The following NT5C1B variants were observed in gnomAD, a reference collection of about 807,000 sequenced individuals.
The protein encoded by NT5C1B is cytosolic 5'-nucleotidase 1B.
A neutral mutation model predicts 57.8 loss-of-function variants in NT5C1B; 44 were observed. The observed-to-expected ratio is 0.76, with a 90% CI of 0.60 to 0.98. NT5C1B has a LOEUF of 0.98. NT5C1B is among the 50% of genes least tolerant of loss of function. The probability of loss-of-function intolerance (pLI) is 0.00; values close to 1 mark genes in which losing one functional copy is unlikely to be tolerated. For synonymous variants in NT5C1B, 284 were observed against 282.6 expected (o/e 1.00, Z -0.05); for missense variants, 742 against 719.5 (o/e 1.03, Z -0.36).
At chr2:18,588,421 G>A (rs944355468) in intron 1 of NT5C1B, among the ~76,000 whole-genome samples, 21 of 152,184 alleles carry the variant, frequency 1.4e-4, no homozygotes, top group African/African-American at 5.1e-4. Flanking sequence ...TATGCTCTGT[G>A]TCTTGCATGC....
chr2:18,584,098 C>T lies in NT5C1B; in HGVS notation c.881G>A (p.Arg294His), dbSNP rs773168634. Residue 294 changes from arginine to histidine, a missense_variant, in exon 5 of 9, where the codon CGC becomes CAC. Transcript: ENST00000304081. The surrounding 1 kb of genome is among the most constrained non-coding windows in gnomAD (Gnocchi z 5.8). ...CAGCTTGCAGAATACCTTGACGAAG[C>T]GGAACGCCGGGCCCGGGGTCAGGAT... 20 of 1,614,168 alleles carry T rather than the reference C, an allele frequency of 1.2e-5. No individual in the cohort carries two copies. The highest frequency in any genetic ancestry group is 5.0e-5 in the Admixed American group (3 of 60,016).
At chr2:18,577,789 GA>G (rs978211829) in intron 6 of NT5C1B, among the ~76,000 whole-genome samples, 11 of 151,134 alleles carry the variant, frequency 7.3e-5, no homozygotes, top group African/African-American at 2.2e-4. Flanking sequence ...ATTGAGATGG[GA>G]AAAAATATAC....
intron 8 of NT5C1B, among the ~76,000 whole-genome samples, chr2:18,564,647 T>C (rs909145192): frequency 6.6e-6 from 1 of 152,222 alleles, no homozygotes; most frequent in African/African-American, 2.4e-5. Flanking sequence ...GAGCCTAGAA[T>C]TGGATTTTGC....
At chr2:18,582,942 A>G (rs752534958) in exon 6 of NT5C1B, 8 of 1,614,092 alleles carry the variant, frequency 5.0e-6, no homozygotes, top group Non-Finnish European at 6.8e-6. Context: ...AATATCAAAT[A>G]AGTCCTGTTC....
rs1666537793 is a variant in NT5C1B, at chr2:18,584,801, T to C, written c.436A>G (p.Ser146Gly). The C allele has an allele frequency of 3.1e-6, 5 of 1,613,086 alleles. No homozygotes were observed. Among genetic ancestry groups the C allele is most frequent in the Non-Finnish European group, 2.5e-6 (3 of 1,179,746 alleles). Residue 146 changes from serine (S) to glycine (G), a missense_variant, in exon 4 of 9, where the codon AGC becomes GGC. Transcript: ENST00000304081. The surrounding 1 kb of genome is among the most constrained non-coding windows in gnomAD (Gnocchi z 5.8). ...TCCGGATTCTCTTGCATTTTGGTGC[T>C]GCGCCGGGAGCCAGGATCGGGCTCT...
Position 18,584,233 on chromosome 2 carries a change from G to A in NT5C1B, c.746C>T (p.Thr249Ile), listed in dbSNP as rs1449756262. 2 of 1,614,012 alleles carry A rather than the reference G, an allele frequency of 1.2e-6. No homozygotes were observed. The highest frequency in any genetic ancestry group is 1.7e-6 in the Non-Finnish European group (2 of 1,179,888). ...GAGCGCGCAGGATGAGAGAGCAATG[G>A]TGATGGCGTTCTTGGGTTTGGGCTG... Residue 249 changes from threonine (T) to isoleucine (I), a missense_variant, in exon 5 of 9, where the codon ACC (threonine) becomes ATC (isoleucine). Transcript: ENST00000304081. The surrounding 1 kb of genome is among the most constrained non-coding windows in gnomAD (Gnocchi z 5.8).
chr2:18,570,180 AT>A (rs1199095437), intron 8 of NT5C1B, among the ~76,000 whole-genome samples: 1 of 152,044 alleles, frequency 6.6e-6, no homozygotes, highest in Non-Finnish European at 1.5e-5. Flanking sequence ...ATCTATCAAA[AT>A]TTGTGGGATG....
At chr2:18,571,268 A>T (rs935058088) in intron 8 of NT5C1B, among the ~76,000 whole-genome samples, 2 of 151,864 alleles carry the variant, frequency 1.3e-5, no homozygotes, top group African/African-American at 4.9e-5. Flanking sequence ...ATTATTGTTG[A>T]CTTAGAAAAT....
At chr2:18,564,241 T>C (rs574865351) in intron 8 of NT5C1B, 122 bp from the exon 9 acceptor site, 1 of 1,171,038 alleles carries the variant, frequency 8.5e-7, no homozygotes, top group South Asian at 3.1e-5. Flanking sequence ...ACATGCAGTG[T>C]TATGAAGCTG....
rs577374217 is a variant in NT5C1B, at chr2:18,563,989, C to T, written c.1460G>A (p.Arg487His). The T allele has an allele frequency of 2.9e-5, 47 of 1,614,150 alleles. No individual in the cohort carries two copies. In the African/African-American group the frequency reaches 3.3e-4, roughly 11 times the overall value. The change falls in exon 9 of 9, where the codon CGT becomes CAT. Residue 487 changes from arginine (R) to histidine (H), a missense_variant. Transcript: ENST00000304081. The stretch of plus-strand genomic sequence containing the variant: ...CCAGCGTCGAAGGGTCTTCAGCACA[C>T]GGGCGCCTGAACTGGCTGCACTCCT...
At chr2:18,572,035 G>A (rs1427861432) in intron 8 of NT5C1B, among the ~76,000 whole-genome samples, 1 of 143,594 alleles carries the variant, frequency 7.0e-6, no homozygotes, top group South Asian at 2.2e-4. Flanking sequence ...GCAGTGAGCC[G>A]AGATCATGCC....
chr2:18,577,568 A>G (rs1486820011), intron 6 of NT5C1B, among the ~76,000 whole-genome samples: 1 of 152,140 alleles, frequency 6.6e-6, no homozygotes, highest in Non-Finnish European at 1.5e-5. Context: ...TAATGATAAT[A>G]AAGATACAAC....
intron 2 of NT5C1B, chr2:18,587,117 G>A (rs754982150): frequency 6.8e-6 from 11 of 1,614,060 alleles, no homozygotes; most frequent in Non-Finnish European, 9.3e-6. Flanking sequence ...TACACGACGA[G>A]TGACCCTGGA....
Position 18,584,440 on chromosome 2 carries a change from A to G in NT5C1B, c.723+74T>C. On this transcript the variant is annotated intron_variant, in intron 4 of 8. Coordinates refer to ENST00000304081, the Ensembl canonical transcript of NT5C1B. This position sits in a 1 kb window ranked among gnomAD's most constrained non-coding sequence, Gnocchi z 5.8. ...GAGAAGCGGGAGGACCTCCCTGCGC[A>G]GTGGAGAGGAGGGCGGCTGGAAGAG... 4 of 1,554,996 alleles carry G rather than the reference A, an allele frequency of 2.6e-6. No individual in the cohort carries two copies. The highest frequency in any genetic ancestry group is 3.5e-6 in the Non-Finnish European group (4 of 1,151,648).
At chr2:18,568,840 A>G (rs537204822) in intron 8 of NT5C1B, among the ~76,000 whole-genome samples, 17 of 152,246 alleles carry the variant, frequency 1.1e-4, no homozygotes, top group Non-Finnish European at 2.2e-4. Flanking sequence ...TCCAGACCGA[A>G]CCAATGTTCA....
At chr2:18,589,478 T>C in exon 1 of NT5C1B, 1 of 1,614,054 alleles carries the variant, frequency 6.2e-7, no homozygotes. Context: ...TTTTTTTACC[T>C]GTTGAAATTC....
chr2:18,564,207 A>G (rs1664434510), intron 8 of NT5C1B, 88 bp from the exon 9 acceptor site: 3 of 1,406,282 alleles, frequency 2.1e-6, no homozygotes, highest in African/African-American at 2.9e-5. Context: ...ATACGATACA[A>G]TACAAAGGAT....
intron 7 of NT5C1B, 124 bp from the exon 8 acceptor site, chr2:18,576,492 C>G: frequency 7.6e-7 from 1 of 1,323,180 alleles, no homozygotes; most frequent in South Asian, 1.6e-5. Context: ...GATGGCTCAA[C>G]TCCTCTTCAC....
At chr2:18,582,149 C>CA (rs1221859742) in intron 6 of NT5C1B, among the ~76,000 whole-genome samples, 4 of 152,010 alleles carry the variant, frequency 2.6e-5, no homozygotes, top group Non-Finnish European at 4.4e-5. Context: ...TTTTAAAAGG[C>CA]AAAAAAATTT....
Sources: gnomAD v4.1 joint callset for allele counts (sites outside exome capture counted in the v4.1 genomes callset) on GRCh38, gnomAD v4.1.1 for gene constraint, Gnocchi (gnomAD v3.1) non-coding constraint, MANE v1.5 for transcripts, NCBI Gene and HGNC (gene_info 2026-07-23, HGNC 2026-07-21) for gene names.